The following PDS5B variants were observed in gnomAD, a reference collection of about 807,000 sequenced individuals.
PDS5B encodes sister chromatid cohesion protein PDS5 homolog B.
A neutral mutation model predicts 184.1 loss-of-function variants in PDS5B; 51 were observed. That is an observed-to-expected ratio of 0.28 (90% confidence interval 0.22 to 0.35). The LOEUF (loss-of-function observed/expected upper bound fraction) is 0.35. PDS5B is among the 10% of genes least tolerant of loss of function. The pLI, the probability that PDS5B is intolerant of heterozygous loss-of-function variation, is 1.00. For synonymous variants in PDS5B, 566 were observed against 569.2 expected (o/e 0.99, Z 0.08); for missense variants, 1,180 against 1,723.3 (o/e 0.68, Z 5.58).
At chr13:32,679,371 T>C (rs1448456031) in intron 10 of PDS5B, among the ~76,000 whole-genome samples, 1 of 152,166 alleles carries the variant, frequency 6.6e-6, no homozygotes, top group Admixed American at 6.5e-5. Flanking sequence ...GGAACTATGC[T>C]GTAGAAATTC....
chr13:32,770,613 A>G (rs1474592194), intron 32 of PDS5B, 41 bp from the exon 33 acceptor site: 2 of 1,601,432 alleles, frequency 1.2e-6, no homozygotes, highest in Admixed American at 1.7e-5. Context: ...ATTATAAATC[A>G]TAATTTGATG....
chr13:32,586,689 G>A (rs1593216217), intron 1 of PDS5B, 96 bp downstream of exon 1: 1 of 150,450 alleles, frequency 6.6e-6, no homozygotes, highest in East Asian at 2.0e-4. Flanking sequence ...GTGTGCGTGT[G>A]TGTGGCAGGG....
chr13:32,602,849 G>A (rs184193869), intron 1 of PDS5B, among the ~76,000 whole-genome samples: 1 of 152,336 alleles, frequency 6.6e-6, no homozygotes, highest in East Asian at 1.9e-4. Context: ...GATGGCCAGT[G>A]ATGAGCATTT....
At chr13:32,721,456 C>T (rs1026143084) in intron 19 of PDS5B, among the ~76,000 whole-genome samples, 8 of 150,568 alleles carry the variant, frequency 5.3e-5, no homozygotes, top group Non-Finnish European at 7.4e-5. Context: ...ATGGGGCGGC[C>T]GGGCAGAGGT....
chr13:32,600,345 A>C (rs1035441119), intron 1 of PDS5B, among the ~76,000 whole-genome samples: 1 of 152,214 alleles, frequency 6.6e-6, no homozygotes, highest in African/African-American at 2.4e-5. Context: ...TCATATCTCT[A>C]AACTCTTTTT....
At chr13:32,630,042 T>C (rs1191588228) in intron 1 of PDS5B, among the ~76,000 whole-genome samples, 1 of 152,220 alleles carries the variant, frequency 6.6e-6, no homozygotes, top group Non-Finnish European at 1.5e-5. Flanking sequence ...AAGACAAGTA[T>C]AGCTCAAATT....
chr13:32,625,557 C>A (rs1292157235), intron 1 of PDS5B, among the ~76,000 whole-genome samples: 3 of 151,930 alleles, frequency 2.0e-5, no homozygotes, highest in Non-Finnish European at 4.4e-5. Flanking sequence ...CTTGATTTAT[C>A]CTGATGGGGT....
At chr13:32,609,922 G>A (rs912343157) in intron 1 of PDS5B, among the ~76,000 whole-genome samples, 1 of 151,858 alleles carries the variant, frequency 6.6e-6, no homozygotes, top group African/African-American at 2.4e-5. Flanking sequence ...ACAAAAAAAT[G>A]AGAACACCTT....
intron 1 of PDS5B, among the ~76,000 whole-genome samples, chr13:32,588,526 G>T (rs1305562364): frequency 6.6e-6 from 1 of 152,136 alleles, no homozygotes; most frequent in Non-Finnish European, 1.5e-5. Flanking sequence ...TTTTAAATGG[G>T]AAGGTAGTGT....
intron 1 of PDS5B, among the ~76,000 whole-genome samples, chr13:32,617,949 G>A (rs1266795587): frequency 1.3e-5 from 2 of 152,138 alleles, no homozygotes; most frequent in Non-Finnish European, 2.9e-5. Context: ...CACAGTTCTG[G>A]AGGCTGGGAA....
chr13:32,622,811 C>T (rs973014785), intron 1 of PDS5B, among the ~76,000 whole-genome samples: 5 of 152,084 alleles, frequency 3.3e-5, no homozygotes, highest in African/African-American at 1.2e-4. Flanking sequence ...TTTGTTTGGT[C>T]TGATGAGAAT....
intron 19 of PDS5B, among the ~76,000 whole-genome samples, chr13:32,724,515 G>A (rs1593525937): frequency 6.6e-6 from 1 of 152,104 alleles, no homozygotes; most frequent in African/African-American, 2.4e-5. Flanking sequence ...CTCTTGAAGA[G>A]TTTCCCATAG....
chr13:32,699,033 T>G (rs1367583584), intron 15 of PDS5B, among the ~76,000 whole-genome samples: 1 of 152,160 alleles, frequency 6.6e-6, no homozygotes, highest in South Asian at 2.1e-4. Flanking sequence ...AGTTCCATTT[T>G]ACAATTTCTG....
chr13:32,615,084 G>A (rs2058198895), intron 1 of PDS5B, among the ~76,000 whole-genome samples: 1 of 152,062 alleles, frequency 6.6e-6, no homozygotes, highest in Non-Finnish European at 1.5e-5. Context: ...AACCACCTCC[G>A]TTGTGCCCCC....
In PDS5B at chr13:32,745,965, C is replaced by A. The variant is rs748093817; in HGVS notation, c.2613-12C>A. 36 of 1,599,542 alleles carry A rather than the reference C, an allele frequency of 2.3e-5. No individual in the cohort carries two copies. Among genetic ancestry groups the A allele is most frequent in the Non-Finnish European group, 1.8e-5 (21 of 1,167,636 alleles). On this transcript the variant is annotated splice_polypyrimidine_tract_variant and intron_variant, in intron 23 of 34. Transcript: ENST00000315596. ...TAAATGCTAATCTATATTCATTCTA[C>A]TCATTTTTCAGTAAACCAGATATGT...
chr13:32,681,873 GAATA>G (rs1397593883), intron 10 of PDS5B, among the ~76,000 whole-genome samples: 1 of 151,982 alleles, frequency 6.6e-6, no homozygotes, highest in Non-Finnish European at 1.5e-5. Flanking sequence ...TAAATAAAAT[GAATA>G]GATAAAACAA....
In PDS5B at chr13:32,687,140, G is replaced by C; in HGVS notation, c.1210G>C (p.Val404Leu). The C allele has an allele frequency of 6.2e-7, 1 of 1,600,116 alleles. No homozygotes were observed. The highest frequency in any genetic ancestry group is 8.5e-7 in the Non-Finnish European group (1 of 1,175,626). ...RERTLDKRWR[V>L]RKEAMMGLAQ... ...AAAACTTTTTGTTTTTAAGTGGAGA[G>C]TACGCAAAGAAGCCATGATGGGACT... is the stretch of plus-strand genomic sequence containing the variant. The change falls in exon 12 of 35, where the codon GTA becomes CTA. Residue 404 changes from valine (V) to leucine (L), a missense_variant. Val to Leu is a conservative substitution (Grantham distance 32, BLOSUM62 1). Coordinates refer to ENST00000315596, the MANE Select transcript of PDS5B (RefSeq NM_015032.4).
chr13:32,762,211 G>A (rs559406370), intron 30 of PDS5B, among the ~76,000 whole-genome samples: 1 of 152,264 alleles, frequency 6.6e-6, no homozygotes, highest in African/African-American at 2.4e-5. Flanking sequence ...TAGCATAAGT[G>A]CTTAGGGCAC....
At chr13:32,609,649 C>T (rs2058111096) in intron 1 of PDS5B, among the ~76,000 whole-genome samples, 1 of 152,210 alleles carries the variant, frequency 6.6e-6, no homozygotes, top group African/African-American at 2.4e-5. Flanking sequence ...GGAACTCCTA[C>T]ATTCCAGACA....
Sources: gnomAD v4.1 joint callset for allele counts (sites outside exome capture counted in the v4.1 genomes callset) on GRCh38, gnomAD v4.1.1 for gene constraint, MANE v1.5 for transcripts, NCBI Gene and HGNC (gene_info 2026-07-23, HGNC 2026-07-21) for gene names.